The following EPB42 variants were observed in gnomAD, a reference collection of about 807,000 sequenced individuals.
The protein encoded by EPB42 is protein 4.2.
In EPB42, 49 loss-of-function variants were observed where a neutral mutation model predicts 76.9. The ratio of observed to expected loss-of-function variants is 0.64; its 90% CI spans 0.51 to 0.81. The LOEUF (loss-of-function observed/expected upper bound fraction) is 0.81, where lower values mean the gene tolerates loss of function less well. Ranked by LOEUF, EPB42 falls within the 30% of genes least tolerant of loss-of-function variation. The pLI, the probability that EPB42 is intolerant of heterozygous loss-of-function variation, is 0.00. For missense variants in EPB42, 731 were observed against 867.6 expected, an observed-to-expected ratio of 0.84 and a Z score of 1.98; for synonymous variants, 310 against 338.4, an observed-to-expected ratio of 0.92 and a Z score of 0.92.
rs748068763 is a variant in EPB42, at chr15:43,208,279, A to T, written c.1026T>A (p.Gly342=). The change falls in exon 8 of 13, where the codon GGT becomes GGA. Residue 342 remains glycine (G), a synonymous_variant. Coordinates refer to ENST00000441366, the MANE Select transcript of EPB42 (RefSeq NM_001114134.2). ...CWMTRPALPQ[G]YDGWQILHPS... is the part of the protein sequence containing the mutation. ...GGTGCAGAATCTGCCATCCATCATA[A>T]CCCTGGGGCAAGGCAGGCCGCGTCA... The T allele has an allele frequency of 6.2e-7, 1 of 1,614,060 alleles. No homozygotes were observed. Among genetic ancestry groups the T allele is most frequent in the Non-Finnish European group, 8.5e-7 (1 of 1,179,978 alleles).
At position 43,207,511 on chromosome 15, in the gene EPB42, C is replaced by T. The variant is rs1461169370; in HGVS notation, c.1076-70G>A. ...CTCTGCTCAGTTCAGAACTGCGTAA[C>T]CTCAGTCCCCATCCTCTAGCCTATT... is the stretch of plus-strand genomic sequence containing the variant. On this transcript the variant is annotated intron_variant, in intron 8 of 12. Transcript: ENST00000441366. 4 of 1,600,918 alleles carry T rather than the reference C, an allele frequency of 2.5e-6. No individual in the cohort carries two copies. In the African/African-American group the frequency reaches 4.0e-5, roughly 16 times the overall value.
rs567517686 is a variant in EPB42, at chr15:43,214,703, C to T, written c.430+392G>A. Among the ~76,000 whole-genome samples the T allele has an allele frequency of 4.6e-5, 7 of 152,176 alleles. No individual in the cohort carries two copies. In the South Asian group the frequency reaches 1.5e-3, roughly 32 times the overall value. ...AATAGCCGGGGAGAGAGAGAGAAGC[C>T]CATCCTCAGGCCACCTCATTCCCGA... On this transcript the variant is annotated intron_variant, in intron 3 of 12. Coordinates refer to ENST00000441366, the MANE Select transcript of EPB42 (RefSeq NM_001114134.2).
chr15:43,219,913 T>C (rs900169278), intron 1 of EPB42, among the ~76,000 whole-genome samples: 5 of 149,550 alleles, frequency 3.3e-5, no homozygotes, highest in Non-Finnish European at 7.4e-5. Flanking sequence ...GCCACTGAAC[T>C]CTAGCCTGGT....
chr15:43,204,432 C>A (rs982889592), intron 10 of EPB42, among the ~76,000 whole-genome samples: 1 of 152,174 alleles, frequency 6.6e-6, no homozygotes, highest in Non-Finnish European at 1.5e-5. Context: ...GTTGGCCCCC[C>A]TGTGCTGGGA....
At position 43,206,127 on chromosome 15, in the gene EPB42, G is replaced by T. The variant is rs1026269492; in HGVS notation, c.1618+203C>A. ...GGGTCTGTTTACTTATCTGACTGCA[G>T]TTGGCATCGTGTTTTTTTCCTGCTT... On this transcript the variant is annotated intron_variant, in intron 10 of 12. Transcript: ENST00000441366. The surrounding 1 kb of genome is among the most constrained non-coding windows in gnomAD (Gnocchi z 4.7). The T allele has an allele frequency of 2.8e-5, 16 of 574,514 alleles. No individual in the cohort carries two copies. In the African/African-American group the frequency reaches 2.8e-4, roughly 10 times the overall value. 35.6% of individuals were successfully genotyped at this position (574,514 alleles called of 1,614,324 possible). A position where few individuals can be genotyped will look rare whatever the true frequency, so the allele number is the denominator to read the frequency against.
chr15:43,201,104 C>T (rs930805661), intron 12 of EPB42, among the ~76,000 whole-genome samples: 2 of 152,088 alleles, frequency 1.3e-5, no homozygotes, highest in Non-Finnish European at 1.5e-5. Context: ...CGTGAGCCAC[C>T]GGGCCTGGCC....
upstream of EPB42, among the ~76,000 whole-genome samples, chr15:43,223,895 C>T (rs904303567): frequency 2.6e-5 from 4 of 152,140 alleles, no homozygotes; most frequent in Non-Finnish European, 5.9e-5. Flanking sequence ...AATCGCTTGA[C>T]CTGGTGGGTG....
intron 5 of EPB42, among the ~76,000 whole-genome samples, 187 bp downstream of exon 5, chr15:43,210,148 C>G (rs1190173222): frequency 6.6e-6 from 1 of 152,170 alleles, no homozygotes; most frequent in Non-Finnish European, 1.5e-5. Flanking sequence ...GCTTTTCTCC[C>G]CGCTGTGGAT....
chr15:43,220,573 GCCTCCA>G (rs2042442488), intron 1 of EPB42, among the ~76,000 whole-genome samples: 1 of 150,714 alleles, frequency 6.6e-6, no homozygotes, highest in Admixed American at 6.6e-5. Context: ...CTCCGCCTCC[GCCTCCA>G]CCAGCACCCA....
intron 1 of EPB42, 110 bp from the exon 2 acceptor site, chr15:43,216,563 A>G (rs1596418191): frequency 4.9e-6 from 6 of 1,227,954 alleles, no homozygotes; most frequent in South Asian, 1.3e-5. Flanking sequence ...GGCTCCACTT[A>G]CGTTTTAGCT....
intron 8 of EPB42, 26 bp downstream of exon 8, chr15:43,208,204 G>A: frequency 6.2e-7 from 1 of 1,606,292 alleles, no homozygotes; most frequent in Middle Eastern, 1.8e-4. Flanking sequence ...GCCCTGCGTG[G>A]TCCTGGACCC....
rs1476545818 is a variant in EPB42, at chr15:43,215,302, T to A, written c.223A>T (p.Thr75Ser). ...TGEQPSKINR[T>S]QATFPISSLG... ...CTGGAAATTGGGAATGTGGCTTGGG[T>A]CCTGTTGATCTTGGAAGGCTGCTCT... The change falls in exon 3 of 13, where the codon ACC (threonine) becomes TCC (serine). Residue 75 changes from threonine (T) to serine (S), a missense_variant. Transcript: ENST00000441366. The A allele has an allele frequency of 3.7e-6, 6 of 1,614,114 alleles. No homozygotes were observed. The highest frequency in any genetic ancestry group is 5.1e-6 in the Non-Finnish European group (6 of 1,180,046).
intron 3 of EPB42, 150 bp from the exon 4 acceptor site, chr15:43,211,684 T>C (rs1039019198): frequency 2.9e-6 from 2 of 701,352 alleles, no homozygotes; most frequent in African/African-American, 3.5e-5. Context: ...GAAGTCCCTC[T>C]TTCACTGCCC....
intron 3 of EPB42, among the ~76,000 whole-genome samples, chr15:43,212,364 C>T (rs1236452690): frequency 2.9e-4 from 37 of 125,826 alleles, no homozygotes; most frequent in African/African-American, 1.0e-3. Flanking sequence ...AGTGAAACTC[C>T]GTCTCAAAAA....
chr15:43,213,652 C>G (rs2042333679), intron 3 of EPB42, among the ~76,000 whole-genome samples: 1 of 152,226 alleles, frequency 6.6e-6, no homozygotes, highest in Non-Finnish European at 1.5e-5. Context: ...ACACCAATGC[C>G]TCAGCTTCGG....
At chr15:43,217,741 A>C (rs537315993) in intron 1 of EPB42, among the ~76,000 whole-genome samples, 1 of 152,276 alleles carries the variant, frequency 6.6e-6, no homozygotes, top group Non-Finnish European at 1.5e-5. Flanking sequence ...ACTTCAGGGA[A>C]GTGATATGAC....
At chr15:43,205,232 C>T (rs2042184161) in intron 10 of EPB42, among the ~76,000 whole-genome samples, 1 of 152,146 alleles carries the variant, frequency 6.6e-6, no homozygotes, top group East Asian at 1.9e-4. Context: ...AACTCCACTC[C>T]TCCCATGCTT....
chr15:43,199,237 C>A (rs2042093217), intron 12 of EPB42, among the ~76,000 whole-genome samples: 1 of 152,200 alleles, frequency 6.6e-6, no homozygotes, highest in African/African-American at 2.4e-5. Flanking sequence ...CACAGACACT[C>A]AGCGCCAGCC....
chr15:43,201,770 A>T, intron 12 of EPB42, 74 bp downstream of exon 12: 3 of 1,602,320 alleles, frequency 1.9e-6, no homozygotes, highest in Middle Eastern at 1.7e-4. Context: ...GCAAAGAGAG[A>T]GTTTCTCTCT....
Sources: allele counts gnomAD v4.1 joint callset (sites outside exome capture counted in the v4.1 genomes callset), GRCh38; gene constraint gnomAD v4.1.1; non-coding constraint Gnocchi (gnomAD v3.1); transcripts MANE v1.5; gene names NCBI Gene and HGNC (gene_info 2026-07-23, HGNC 2026-07-21).